Variants in P3H3 observed in about 807,000 individuals in gnomAD.
P3H3 encodes the protein gene rich cluster, B.
In P3H3, 64 loss-of-function variants were observed where a neutral mutation model predicts 78.1. The ratio of observed to expected loss-of-function variants is 0.82; its 90% CI spans 0.67 to 1.01. The LOEUF is 1.01. Among genes scored for constraint, P3H3 ranks in the 50% least tolerant of loss-of-function variants. The probability of loss-of-function intolerance (pLI) is 0.00; values close to 1 mark genes in which losing one functional copy is unlikely to be tolerated. For synonymous variants in P3H3, 425 were observed against 416.7 expected, an observed-to-expected ratio of 1.02 and a Z score of -0.24; for missense variants, 975 against 982.2, an observed-to-expected ratio of 0.99 and a Z score of 0.10.
In P3H3 at chr12:6,831,618, CCACACACTCA is replaced by C. The variant is rs1229203677; in HGVS notation, c.1123-197_1123-188del. ...CCCCCAAACTCATGCATACACACAC[CCACACACTCA>C]CACACACTCCCACCCCCTACACCCT... On this transcript the variant is annotated intron_variant, in intron 5 of 14. Coordinates refer to ENST00000290510, the MANE Select transcript of P3H3 (RefSeq NM_014262.5). The surrounding 1 kb of genome is among the most constrained non-coding windows in gnomAD (Gnocchi z 4.6). 1.3e-5 allele frequency among the ~76,000 whole-genome samples: 2 copies of C among 151,978 alleles called. No individual in the cohort carries two copies. Among genetic ancestry groups the C allele is most frequent in the Non-Finnish European group, 2.9e-5 (2 of 67,978 alleles).
At chr12:6,832,036 G>A in intron 6 of P3H3, 122 bp downstream of exon 6, 1 of 655,752 alleles carries the variant, frequency 1.5e-6, no homozygotes, top group Non-Finnish European at 2.7e-6. Context: ...TGCCATCCCA[G>A]TTTTACAGGG....
chr12:6,835,682 A>G (rs6489736), intron 9 of P3H3, among the ~76,000 whole-genome samples: 105,755 of 151,946 alleles, frequency 0.7, 38,413 homozygotes, highest in East Asian at 0.96. Flanking sequence ...CAGTATAGGG[A>G]AAGAGGGAGA....
At position 6,829,894 on chromosome 12, in the gene P3H3, C is replaced by T. The variant is rs782654182; in HGVS notation, c.534C>T (p.His178=). The T allele has an allele frequency of 2.4e-5, 38 of 1,613,926 alleles. No homozygotes were observed. The highest frequency in any genetic ancestry group is 4.4e-5 in the South Asian group (4 of 91,094). The change falls in exon 2 of 15, where the codon CAC becomes CAT. Residue 178 remains histidine (H), a synonymous_variant. Transcript: ENST00000290510. This position sits in a 1 kb window ranked among gnomAD's most constrained non-coding sequence, Gnocchi z 5.1. ...KKLDLAAAAA[H]TFFVANPMHL... is the part of the protein sequence containing the mutation. ...TGGATCTGGCAGCTGCGGCAGCACA[C>T]ACCTTCTTTGTAGCAAACCCCATGC...
chr12:6,836,768 G>A (rs782540862), intron 9 of P3H3, among the ~76,000 whole-genome samples: 1 of 152,214 alleles, frequency 6.6e-6, no homozygotes, highest in Non-Finnish European at 1.5e-5. Flanking sequence ...CCCTTAGTAA[G>A]CGGGATTCCA....
Position 6,833,767 on chromosome 12 carries a change from G to A in P3H3, c.1291G>A (p.Asp431Asn). Residue 431 changes from aspartate to asparagine, a missense_variant, in exon 8 of 15, where the codon GAC becomes AAC. By Grantham distance (23) the Asp-to-Asn change is conservative. Transcript: ENST00000290510. Reference protein sequence around the residue: ...LREDQEKRPWDHEPVKPKPLT... With the variant: ...LREDQEKRPWNHEPVKPKPLT... The stretch of plus-strand genomic sequence containing the variant: ...AGAGGATCAAGAGAAGAGGCCTTGG[G>A]ACCATGAGCCCGTGAAGCCAAAGCC... The A allele has an allele frequency of 1.2e-6, 2 of 1,611,628 alleles. No individual in the cohort carries two copies. The highest frequency in any genetic ancestry group is 1.7e-6 in the Non-Finnish European group (2 of 1,177,778).
Position 6,839,751 on chromosome 12 carries a change from G to A in P3H3, c.*290G>A. 2 of 415,906 alleles carry A rather than the reference G, an allele frequency of 4.8e-6. No homozygotes were observed. The highest frequency in any genetic ancestry group is 3.6e-5 in the Admixed American group (1 of 27,964). 25.8% of individuals were successfully genotyped at this position (415,906 alleles called of 1,614,324 possible). A position where few individuals can be genotyped will look rare whatever the true frequency, so the allele number is the denominator to read the frequency against. Reference sequence around the variant, plus strand: ...TCCCTGAACAGAAATGGCAGGGGAGGAGGCTGATGCTTTAAATGAAGAGGA... The same window carrying A: ...TCCCTGAACAGAAATGGCAGGGGAGAAGGCTGATGCTTTAAATGAAGAGGA... On this transcript the variant is annotated 3_prime_UTR_variant, in exon 15 of 15. Transcript: ENST00000290510.
At chr12:6,832,208 C>T (rs944804741) in intron 6 of P3H3, among the ~76,000 whole-genome samples, 1 of 152,172 alleles carries the variant, frequency 6.6e-6, no homozygotes, top group African/African-American at 2.4e-5. Flanking sequence ...GCTGTTGAAA[C>T]CACATCATTT....
intron 10 of P3H3, 88 bp from the exon 11 acceptor site, chr12:6,837,335 G>C: frequency 6.6e-7 from 1 of 1,509,026 alleles, no homozygotes; most frequent in Non-Finnish European, 8.9e-7. Context: ...CCCATGGGTG[G>C]AGAGCGGCAG....
intron 11 of P3H3, 77 bp downstream of exon 11, chr12:6,837,650 G>T (rs782592895): frequency 1.4e-4 from 219 of 1,582,310 alleles, no homozygotes; most frequent in Middle Eastern, 1.3e-3. Context: ...GAGCCCCGGG[G>T]TGGACGTGCA....
At chr12:6,833,886 G>A (rs781850377) in intron 8 of P3H3, 39 bp from the exon 9 acceptor site, 164 of 1,613,972 alleles carry the variant, frequency 1.0e-4, no homozygotes, top group Non-Finnish European at 1.3e-4. Flanking sequence ...TGCCCTTAGG[G>A]GATGCTCAGC....
At position 6,828,536 on chromosome 12, in the gene P3H3, G is replaced by A; in HGVS notation, c.96G>A (p.Ala32=). The A allele has an allele frequency of 7.8e-7, 1 of 1,277,352 alleles. No individual in the cohort carries two copies. Among genetic ancestry groups the A allele is most frequent in the South Asian group, 2.5e-5 (1 of 40,358 alleles). The allele number at this position is 1,277,352 out of a possible 1,614,324, so 79.1% of individuals were successfully genotyped here. The change falls in exon 1 of 15, where the codon GCG becomes GCA. Residue 32 remains alanine (A), a synonymous_variant. Coordinates refer to ENST00000290510, the MANE Select transcript of P3H3 (RefSeq NM_014262.5). Reference sequence around the variant, plus strand: ...GCCTGACCCAGCTGTCCCCGGGGGCGCCCCCGCAGGCCCCCGACTTGCTCT... The same window carrying A: ...GCCTGACCCAGCTGTCCCCGGGGGCACCCCCGCAGGCCCCCGACTTGCTCT... ...PPGLTQLSPG[A]PPQAPDLLYA...
In P3H3 at chr12:6,831,428, C is replaced by T; in HGVS notation, c.1122+76C>T. The T allele has an allele frequency of 6.3e-7, 1 of 1,579,148 alleles. No homozygotes were observed. The highest frequency in any genetic ancestry group is 1.1e-5 in the South Asian group (1 of 88,402). The stretch of plus-strand genomic sequence containing the variant: ...AGACCTGAGAAGTAACCTGGACCCC[C>T]ACCCCCCGCTGGCCTCTTACCCGAG... On this transcript the variant is annotated intron_variant, in intron 5 of 14. Coordinates refer to ENST00000290510, the MANE Select transcript of P3H3 (RefSeq NM_014262.5). The surrounding 1 kb of genome is among the most constrained non-coding windows in gnomAD (Gnocchi z 4.6).
In P3H3 at chr12:6,839,439, C is replaced by T. The variant is rs915932928; in HGVS notation, c.2189C>T (p.Pro730Leu). Residue 730 changes from proline to leucine, a missense_variant, in exon 15 of 15, where the codon CCT becomes CTT. Transcript: ENST00000290510. Reference protein sequence around the residue: ...QRVQDKTGRAPRVREEL With the variant: ...QRVQDKTGRALRVREEL ...GTCCAAGACAAGACTGGAAGGGCAC[C>T]TCGGGTTCGGGAGGAGCTGTGAGTG... The T allele has an allele frequency of 2.6e-6, 4 of 1,551,376 alleles. No individual in the cohort carries two copies. The highest frequency in any genetic ancestry group is 3.5e-6 in the Non-Finnish European group (4 of 1,146,976).
At position 6,839,721 on chromosome 12, in the gene P3H3, G is replaced by T; in HGVS notation, c.*260G>T. On this transcript the variant is annotated 3_prime_UTR_variant, in exon 15 of 15. Coordinates refer to ENST00000290510, the MANE Select transcript of P3H3 (RefSeq NM_014262.5). ...CAGCCCTGGACAGATGGGGAACACT[G>T]TGCCTCCCTGAACAGAAATGGCAGG... is the stretch of plus-strand genomic sequence containing the variant. 1 of 487,120 alleles carries T rather than the reference G, an allele frequency of 2.1e-6. No homozygotes were observed. Among genetic ancestry groups the T allele is most frequent in the Non-Finnish European group, 3.7e-6 (1 of 271,476 alleles). The allele number at this position is 487,120 out of a possible 1,614,324, so 30.2% of individuals were successfully genotyped here.
intron 4 of P3H3, 25 bp downstream of exon 4, chr12:6,830,795 G>C: frequency 1.2e-6 from 2 of 1,613,290 alleles, no homozygotes; most frequent in Non-Finnish European, 1.7e-6. Context: ...GGTGGAAACG[G>C]GGAGTGAAGA....
At chr12:6,838,281 C>T (rs1943521637) in intron 13 of P3H3, among the ~76,000 whole-genome samples, 1 of 152,164 alleles carries the variant, frequency 6.6e-6, no homozygotes, top group Non-Finnish European at 1.5e-5. Context: ...GCAGGTGCCT[C>T]CAGGACTCCA....
chr12:6,831,877 A>G lies in P3H3; in HGVS notation c.1175A>G (p.Tyr392Cys), dbSNP rs1943453909. The change falls in exon 6 of 15, where the codon TAT (tyrosine) becomes TGT (cysteine). Residue 392 changes from tyrosine to cysteine, a missense_variant. Tyr to Cys is a radical substitution (Grantham distance 194, BLOSUM62 -2). Transcript: ENST00000290510. This position sits in a 1 kb window ranked among gnomAD's most constrained non-coding sequence, Gnocchi z 4.6. The part of the protein sequence containing the change: ...RSLGEKRQLY[Y>C]AMEHLGTSFK... Reference sequence around the variant, plus strand: ...CTGGGGGAGAAGAGGCAGCTCTACTATGCCATGGAGCACCTGGGGACCAGC... The same window carrying G: ...CTGGGGGAGAAGAGGCAGCTCTACTGTGCCATGGAGCACCTGGGGACCAGC... 1.2e-6 allele frequency: 2 copies of G among 1,608,462 alleles called. No homozygotes were observed. Among genetic ancestry groups the G allele is most frequent in the Non-Finnish European group, 1.7e-6 (2 of 1,176,766 alleles).
chr12:6,835,942 G>T (rs1018268368), intron 9 of P3H3, among the ~76,000 whole-genome samples: 2 of 152,024 alleles, frequency 1.3e-5, no homozygotes, highest in Non-Finnish European at 2.9e-5. Flanking sequence ...GAATGCCACC[G>T]TTGGCTGGCG....
At chr12:6,830,033 C>T in intron 2 of P3H3, 22 bp downstream of exon 2, 1 of 1,612,726 alleles carries the variant, frequency 6.2e-7, no homozygotes, top group Non-Finnish European at 8.5e-7. Flanking sequence ...AGCACCACCC[C>T]TGTCTTGCCA....
Sources: allele counts gnomAD v4.1 joint callset (sites outside exome capture counted in the v4.1 genomes callset), GRCh38; gene constraint gnomAD v4.1.1; non-coding constraint Gnocchi (gnomAD v3.1); transcripts MANE v1.5; gene names NCBI Gene and HGNC (gene_info 2026-07-23, HGNC 2026-07-21).